The following CSMD1 variants were observed in gnomAD, a reference collection of about 807,000 sequenced individuals.
CSMD1 encodes the protein CUB and Sushi multiple domains 1.
A neutral mutation model predicts 417.5 loss-of-function variants in CSMD1; 213 were observed. That is an observed-to-expected ratio of 0.51 (90% CI 0.46 to 0.57). The LOEUF is 0.57. CSMD1 is among the 20% of genes least tolerant of loss of function. The pLI is 0.00. For missense variants in CSMD1, 6,923 were observed against 4,529.7 expected (o/e 1.53, Z -15.17); for synonymous variants, 2,862 against 1,736.8 (o/e 1.65, Z -16.11).
chr8:3,018,660 A>G lies in CSMD1; in HGVS notation c.7856-10T>C. 2 of 1,607,682 alleles carry G rather than the reference A, an allele frequency of 1.2e-6. No homozygotes were observed. The highest frequency in any genetic ancestry group is 1.7e-6 in the Non-Finnish European group (2 of 1,175,790). On this transcript the variant is annotated splice_polypyrimidine_tract_variant and intron_variant, in intron 51 of 69. Coordinates refer to ENST00000635120, the MANE Select transcript of CSMD1 (RefSeq NM_033225.6). ...CTTCCACACGAGATAACTAGAAGGA[A>G]AAACAATAAAATGAACATCAATTCA...
At chr8:3,978,572 G>C (rs998941745) in intron 5 of CSMD1, among the ~76,000 whole-genome samples, 2 of 152,020 alleles carry the variant, frequency 1.3e-5, no homozygotes, top group South Asian at 4.2e-4. Flanking sequence ...ATCCTCATAG[G>C]GTCTAATGAA....
intron 2 of CSMD1, among the ~76,000 whole-genome samples, chr8:4,519,417 T>G (rs1803305696): frequency 1.3e-5 from 2 of 151,920 alleles, no homozygotes; most frequent in African/African-American, 4.8e-5. Flanking sequence ...TTAATATATG[T>G]ATAAAAATTT....
intron 6 of CSMD1, among the ~76,000 whole-genome samples, chr8:3,717,213 A>G (rs1183644906): frequency 6.6e-6 from 1 of 152,218 alleles, no homozygotes; most frequent in Admixed American, 6.5e-5. Flanking sequence ...TTTCAAAATT[A>G]TATTAGTAAA....
chr8:3,925,653 G>A (rs1299580881), intron 5 of CSMD1, among the ~76,000 whole-genome samples: 4 of 151,892 alleles, frequency 2.6e-5, no homozygotes, highest in African/African-American at 7.3e-5. Context: ...CTTATCAGAG[G>A]TTTCCACTTT....
chr8:3,435,604 C>T (rs140105324), intron 12 of CSMD1, among the ~76,000 whole-genome samples: 1 of 152,158 alleles, frequency 6.6e-6, no homozygotes, highest in African/African-American at 2.4e-5. Flanking sequence ...ACACCTCCAA[C>T]CTAGCGACCT....
intron 49 of CSMD1, among the ~76,000 whole-genome samples, chr8:3,062,142 C>A (rs944023727): frequency 1.2e-4 from 19 of 152,124 alleles, no homozygotes; most frequent in Non-Finnish European, 5.9e-5. Flanking sequence ...GGGAATATTT[C>A]TGGGTCCTTT....
At chr8:3,109,305 C>A (rs1012090246) in intron 43 of CSMD1, among the ~76,000 whole-genome samples, 1 of 152,102 alleles carries the variant, frequency 6.6e-6, no homozygotes, top group African/African-American at 2.4e-5. Context: ...AATGTCAACA[C>A]CTGTGAGATT....
intron 20 of CSMD1, among the ~76,000 whole-genome samples, chr8:3,364,039 G>T (rs1011930143): frequency 1.3e-5 from 2 of 152,036 alleles, no homozygotes; most frequent in Non-Finnish European, 2.9e-5. Context: ...AAATAAACTC[G>T]ATTAACAGGA....
chr8:3,762,780 C>G (rs527533525), intron 5 of CSMD1, among the ~76,000 whole-genome samples: 29 of 152,352 alleles, frequency 1.9e-4, no homozygotes, highest in Non-Finnish European at 3.7e-4. Context: ...AAGAGTTAAG[C>G]TGCTGACCCT....
intron 5 of CSMD1, among the ~76,000 whole-genome samples, chr8:3,786,803 G>C (rs571707902): frequency 3.3e-5 from 5 of 152,290 alleles, no homozygotes; most frequent in East Asian, 1.9e-4. Flanking sequence ...AGGTGGTAGA[G>C]AGAGAAGAAG....
At chr8:3,214,981 G>A (rs1051563233) in intron 29 of CSMD1, among the ~76,000 whole-genome samples, 9 of 151,972 alleles carry the variant, frequency 5.9e-5, no homozygotes, top group African/African-American at 1.2e-4. Flanking sequence ...ACAGTACTAC[G>A]TTTTTATATA....
At chr8:3,627,299 G>C (rs529027156) in intron 7 of CSMD1, among the ~76,000 whole-genome samples, 1 of 152,180 alleles carries the variant, frequency 6.6e-6, no homozygotes, top group East Asian at 1.9e-4. Flanking sequence ...CAAGACACTT[G>C]GGAGAAGTAA....
At chr8:4,703,432 C>G (rs1401346497) in intron 1 of CSMD1, among the ~76,000 whole-genome samples, 5 of 152,174 alleles carry the variant, frequency 3.3e-5, no homozygotes, top group African/African-American at 1.2e-4. Context: ...GTACTTAGAA[C>G]ATGCATGAAT....
rs1340842331 is a variant in CSMD1, at chr8:3,214,633, T to A, written c.4731A>T (p.Gly1577=). The part of the protein sequence containing the change: ...PGNIMNGTRV[G]TDFKLGSTIT... ...TGGTGGAGCCAAGCTTGAAGTCTGTTCCAACTCTTGTCCCATTCATTATAT... is the reference window on the plus strand; with the variant it reads ...TGGTGGAGCCAAGCTTGAAGTCTGTACCAACTCTTGTCCCATTCATTATAT... The change falls in exon 30 of 70, where the codon GGA becomes GGT. Residue 1577 remains glycine, a synonymous_variant. Coordinates refer to ENST00000635120, the MANE Select transcript of CSMD1 (RefSeq NM_033225.6). 6 of 1,554,336 alleles carry A rather than the reference T, an allele frequency of 3.9e-6. No homozygotes were observed. In the African/African-American group the frequency reaches 8.2e-5, roughly 21 times the overall value.
chr8:3,727,010 A>T (rs1802537707), intron 6 of CSMD1, among the ~76,000 whole-genome samples: 1 of 152,146 alleles, frequency 6.6e-6, no homozygotes, highest in East Asian at 1.9e-4. Context: ...CAAACCCTCA[A>T]TATTTGCATT....
At chr8:3,510,022 G>C (rs528774933) in intron 10 of CSMD1, among the ~76,000 whole-genome samples, 1 of 152,116 alleles carries the variant, frequency 6.6e-6, no homozygotes, top group Non-Finnish European at 1.5e-5. Context: ...TACAAGTCGC[G>C]TATCCACTTC....
At chr8:4,359,550 G>A (rs182736815) in intron 3 of CSMD1, among the ~76,000 whole-genome samples, 2 of 152,252 alleles carry the variant, frequency 1.3e-5, no homozygotes, top group African/African-American at 2.4e-5. Context: ...ATCCTCTTGC[G>A]CAGAAGAGCC....
At chr8:4,036,898 A>G (rs925460093) in intron 3 of CSMD1, among the ~76,000 whole-genome samples, 1 of 151,906 alleles carries the variant, frequency 6.6e-6, no homozygotes, top group African/African-American at 2.4e-5. Context: ...AAAGATGACC[A>G]TGTTTGCATG....
At chr8:3,241,041 G>A (rs191184559) in intron 26 of CSMD1, among the ~76,000 whole-genome samples, 12,667 of 146,398 alleles carry the variant, frequency 0.087, 722 homozygotes, top group Non-Finnish European at 0.11. Flanking sequence ...AGGGAGTAGA[G>A]GTATCTCATA....
Sources: allele counts gnomAD v4.1 joint callset (sites outside exome capture counted in the v4.1 genomes callset), GRCh38; gene constraint gnomAD v4.1.1; transcripts MANE v1.5; gene names NCBI Gene and HGNC (gene_info 2026-07-23, HGNC 2026-07-21).